Variants in TYW1 observed in about 807,000 individuals in gnomAD.
The protein encoded by TYW1 is tRNA-yW synthesizing protein 1 homolog.
TYW1 carries 46 observed loss-of-function variants against 96.2 expected under a neutral mutation model. The ratio of observed to expected loss-of-function variants is 0.48; its 90% CI spans 0.38 to 0.61. The LOEUF is 0.61. TYW1 is among the 20% of genes least tolerant of loss of function. The pLI, the probability that TYW1 is intolerant of heterozygous loss-of-function variation, is 0.00. For missense variants in TYW1, 684 were observed against 909.6 expected, an observed-to-expected ratio of 0.75 and a Z score of 3.19; for synonymous variants, 274 against 323.0, an observed-to-expected ratio of 0.85 and a Z score of 1.63.
intron 13 of TYW1, among the ~76,000 whole-genome samples, chr7:67,174,477 T>C (rs1418763875): frequency 6.6e-6 from 1 of 150,634 alleles, no homozygotes; most frequent in Non-Finnish European, 1.5e-5. Context: ...GAAAATATTT[T>C]TCAAGAGTGA....
At chr7:67,158,727 G>A (rs879141878) in intron 13 of TYW1, among the ~76,000 whole-genome samples, 2 of 151,962 alleles carry the variant, frequency 1.3e-5, no homozygotes, top group Non-Finnish European at 2.9e-5. Context: ...TCGCCACCAC[G>A]CCTGGCTAAT....
intron 13 of TYW1, among the ~76,000 whole-genome samples, chr7:67,149,569 GA>G (rs67607583): frequency 0.26 from 39,226 of 151,514 alleles, 5,566 homozygotes; most frequent in African/African-American, 0.38. Flanking sequence ...CACACTGGGG[GA>G]AAAAATGTGT....
Position 67,096,103 on chromosome 7 carries a change from A to G in TYW1, c.1385-2438A>G, listed in dbSNP as rs535519548. Among the ~76,000 whole-genome samples, 7 of 152,270 alleles carry G rather than the reference A, an allele frequency of 4.6e-5. No homozygotes were observed. The East Asian group carries it at 5.8e-4, about 13-fold the overall frequency. ...GAAAGTTATGTTTCAAAGATGGCCA[A>G]TAATGGCTGGGCATGGTGGCTCACG... On this transcript the variant is annotated intron_variant, in intron 11 of 15. Coordinates refer to ENST00000359626, the MANE Select transcript of TYW1 (RefSeq NM_018264.4).
chr7:67,068,560 C>A (rs1328296045), intron 10 of TYW1, among the ~76,000 whole-genome samples: 1 of 152,160 alleles, frequency 6.6e-6, no homozygotes, highest in Non-Finnish European at 1.5e-5. Flanking sequence ...CTTCTAGTAC[C>A]CCACCCACCC....
chr7:67,092,571 C>T (rs1217055364), intron 11 of TYW1, among the ~76,000 whole-genome samples: 10 of 152,052 alleles, frequency 6.6e-5, no homozygotes, highest in East Asian at 1.9e-4. Context: ...AAGACTTATC[C>T]TGACCAGCCT....
chr7:67,219,481 T>C (rs1271340039), intron 15 of TYW1, among the ~76,000 whole-genome samples: 9 of 152,324 alleles, frequency 5.9e-5, no homozygotes, highest in African/African-American at 2.2e-4. Context: ...CTTTTAAATG[T>C]TTTGTAGAAT....
At chr7:67,141,427 A>AT (rs1320274439) in intron 13 of TYW1, among the ~76,000 whole-genome samples, 2 of 152,234 alleles carry the variant, frequency 1.3e-5, no homozygotes, top group Non-Finnish European at 2.9e-5. Flanking sequence ...CAACTTGAAT[A>AT]TGTTGTTTGA....
At chr7:67,102,711 G>C (rs7800350) in intron 12 of TYW1, among the ~76,000 whole-genome samples, 2 of 151,806 alleles carry the variant, frequency 1.3e-5, no homozygotes, top group African/African-American at 4.8e-5. Flanking sequence ...GAGTGCAGTG[G>C]CGCCATCTCG....
chr7:66,997,641 GC>G (rs1793228303), intron 1 of TYW1, among the ~76,000 whole-genome samples: 2 of 56,006 alleles, frequency 3.6e-5, no homozygotes, highest in South Asian at 1.4e-3. Flanking sequence ...CCACCCCCCC[GC>G]CCCCGAGATG....
chr7:67,041,216 G>T (rs1176971760), intron 7 of TYW1, among the ~76,000 whole-genome samples: 1 of 152,054 alleles, frequency 6.6e-6, no homozygotes, highest in Non-Finnish European at 1.5e-5. Flanking sequence ...TCTTGTTTTC[G>T]ATTTCTATGG....
rs575226399 is a variant in TYW1, at chr7:67,097,963, A to T, written c.1385-578A>T. The stretch of plus-strand genomic sequence containing the variant: ...CAATCCTCCTGCCTTGGCCTCCCAA[A>T]GTGCTGGGATTACAGGTGTGAGCTA... On this transcript the variant is annotated intron_variant, in intron 11 of 15. Coordinates refer to ENST00000359626, the MANE Select transcript of TYW1 (RefSeq NM_018264.4). Among the ~76,000 whole-genome samples, 4 of 152,072 alleles carry T rather than the reference A, an allele frequency of 2.6e-5. No individual in the cohort carries two copies. In the East Asian group the frequency reaches 5.8e-4, roughly 22 times the overall value.
At chr7:67,207,717 C>CT (rs749961615) in intron 15 of TYW1, among the ~76,000 whole-genome samples, 10,176 of 103,354 alleles carry the variant, frequency 0.098, 1,228 homozygotes, top group East Asian at 0.25. Context: ...TTTTGTTTGC[C>CT]TTTTTTTTTT....
At chr7:67,125,298 C>T (rs1584592290) in intron 13 of TYW1, among the ~76,000 whole-genome samples, 1 of 151,990 alleles carries the variant, frequency 6.6e-6, no homozygotes, top group Non-Finnish European at 1.5e-5. Flanking sequence ...TTATGTTTTC[C>T]TCTTTCAGAA....
At position 67,067,270 on chromosome 7, in the gene TYW1, GT is replaced by G; in HGVS notation, c.1156-12del. 6.2e-7 allele frequency: 1 copy of G among 1,613,138 alleles called. No homozygotes were observed. Among genetic ancestry groups the G allele is most frequent in the Non-Finnish European group, 8.5e-7 (1 of 1,179,148 alleles). ...GACAATTTTATTCAAATTGTGATTT[GT>G]TTACTTGTCATAGTCCATGCTCCGA... is the stretch of plus-strand genomic sequence containing the variant. On this transcript the variant is annotated splice_polypyrimidine_tract_variant and intron_variant, in intron 9 of 15. Transcript: ENST00000359626.
At chr7:67,152,547 G>A (rs1156978925) in intron 13 of TYW1, among the ~76,000 whole-genome samples, 1 of 152,074 alleles carries the variant, frequency 6.6e-6, no homozygotes, top group Non-Finnish European at 1.5e-5. Context: ...CCTAGGTTCT[G>A]TTTCCGTATT....
At chr7:67,179,089 A>G (rs1799763266) in intron 13 of TYW1, among the ~76,000 whole-genome samples, 1 of 140,068 alleles carries the variant, frequency 7.1e-6, no homozygotes, top group Non-Finnish European at 1.5e-5. Flanking sequence ...GGGCTAACTC[A>G]TAGGCAGCGC....
At chr7:67,222,241 A>T (rs1201320519) in intron 15 of TYW1, among the ~76,000 whole-genome samples, 7 of 152,144 alleles carry the variant, frequency 4.6e-5, no homozygotes, top group Admixed American at 6.6e-5. Flanking sequence ...TACAAAACAA[A>T]GCTGTAACAA....
rs540205580 is a variant in TYW1, at chr7:67,055,150, A to G, written c.1103-685A>G. On this transcript the variant is annotated intron_variant, in intron 8 of 15. Transcript: ENST00000359626. ...TTCACTGGTCCATGAAAGAATGTAAATTCTATAGTTGATGAGTGCAGGGCT... is the reference window on the plus strand; with the variant it reads ...TTCACTGGTCCATGAAAGAATGTAAGTTCTATAGTTGATGAGTGCAGGGCT... Among the ~76,000 whole-genome samples the G allele has an allele frequency of 9.2e-5, 14 of 152,290 alleles. 1 individual carries two copies. The South Asian group carries it at 1.9e-3, about 20-fold the overall frequency.
At chr7:67,177,458 C>T (rs1349410510) in intron 13 of TYW1, among the ~76,000 whole-genome samples, 2 of 151,922 alleles carry the variant, frequency 1.3e-5, no homozygotes, top group Non-Finnish European at 2.9e-5. Flanking sequence ...ATTTCTAATA[C>T]GTTTATAACA....
Sources: gnomAD v4.1 joint callset for allele counts (sites outside exome capture counted in the v4.1 genomes callset) on GRCh38, gnomAD v4.1.1 for gene constraint, MANE v1.5 for transcripts, NCBI Gene and HGNC (gene_info 2026-07-23, HGNC 2026-07-21) for gene names.